Variants in CSMD1 observed in about 807,000 individuals in gnomAD.
The protein encoded by CSMD1 is CUB and sushi domain-containing protein 1.
In CSMD1, 213 loss-of-function variants were observed where a neutral mutation model predicts 417.5. That is an observed-to-expected ratio of 0.51 (90% CI 0.46 to 0.57). The LOEUF (loss-of-function observed/expected upper bound fraction) is 0.57, where lower values mean the gene tolerates loss of function less well. CSMD1 is among the 20% of genes least tolerant of loss of function. The probability of loss-of-function intolerance (pLI) is 0.00; values close to 1 mark genes in which losing one functional copy is unlikely to be tolerated. For missense variants in CSMD1, 6,923 were observed against 4,529.7 expected, an observed-to-expected ratio of 1.53 and a Z score of -15.17; for synonymous variants, 2,862 against 1,736.8, an observed-to-expected ratio of 1.65 and a Z score of -16.11.
rs370240143 is a variant in CSMD1 at position 3,214,556 on chromosome 8, G to C, written c.4808C>G (p.Thr1603Ser). 8.1e-6 allele frequency: 13 copies of C among 1,595,378 alleles called. No homozygotes were observed. Among genetic ancestry groups the C allele is most frequent in the African/African-American group, 1.3e-5 (1 of 74,680 alleles). Residue 1603 changes from threonine (T) to serine (S), a missense_variant, in exon 30 of 70, where the codon ACC (threonine) becomes AGC (serine). Physicochemically the swap from Thr to Ser is moderately conservative, Grantham distance 58. Transcript: ENST00000635120. ...GYKILDPSSI[T>S]CVIGADGKPS... Reference sequence around the variant, plus strand: ...TTTCCCATCAGCCCCAATCACACAGGTGATGGATGAGGGGTCAAGAATCTT... The same window carrying C: ...TTTCCCATCAGCCCCAATCACACAGCTGATGGATGAGGGGTCAAGAATCTT...
chr8:3,498,574 T>C (rs1796462880), intron 10 of CSMD1, among the ~76,000 whole-genome samples: 2 of 152,208 alleles, frequency 1.3e-5, no homozygotes, highest in Admixed American at 6.5e-5. Flanking sequence ...TCAGCTGTTA[T>C]TTTATTATAT....
chr8:4,729,528 C>T (rs1216693377), intron 1 of CSMD1, among the ~76,000 whole-genome samples: 2 of 152,148 alleles, frequency 1.3e-5, no homozygotes, highest in Non-Finnish European at 1.5e-5. Context: ...ACACATAATG[C>T]ATTTTTATGC....
At chr8:4,894,109 G>C (rs1041972917) in intron 1 of CSMD1, among the ~76,000 whole-genome samples, 1 of 151,974 alleles carries the variant, frequency 6.6e-6, no homozygotes, top group African/African-American at 2.4e-5. Flanking sequence ...ATATAGGCCT[G>C]CGCACTGTAT....
At chr8:3,684,474 G>A (rs941657339) in intron 7 of CSMD1, among the ~76,000 whole-genome samples, 3 of 150,382 alleles carry the variant, frequency 2.0e-5, no homozygotes, top group African/African-American at 4.9e-5. Context: ...TAGGTTTTGG[G>A]ATTTTTCTTT....
intron 5 of CSMD1, among the ~76,000 whole-genome samples, chr8:3,881,504 G>A (rs1310658950): frequency 6.6e-6 from 1 of 150,708 alleles, no homozygotes; most frequent in Non-Finnish European, 1.5e-5. Context: ...GGGCGTAGTG[G>A]TGGGTGCCTG....
intron 5 of CSMD1, among the ~76,000 whole-genome samples, chr8:3,797,397 A>G (rs976142170): frequency 5.3e-5 from 8 of 151,974 alleles, no homozygotes; most frequent in East Asian, 1.9e-4. Context: ...ATTTTCATCA[A>G]TATGGAAATT....
intron 12 of CSMD1, among the ~76,000 whole-genome samples, chr8:3,417,139 T>C (rs1352690807): frequency 3.3e-5 from 5 of 152,230 alleles, no homozygotes; most frequent in Admixed American, 6.5e-5. Flanking sequence ...ATATGAAATA[T>C]AGCAGGTTGC....
chr8:4,191,115 G>C (rs1799000373), intron 3 of CSMD1, among the ~76,000 whole-genome samples: 1 of 151,472 alleles, frequency 6.6e-6, no homozygotes, highest in Non-Finnish European at 1.5e-5. Context: ...AATTCAACAA[G>C]GCCAGGCGAG....
intron 1 of CSMD1, among the ~76,000 whole-genome samples, chr8:4,889,542 C>A (rs796356692): frequency 3.3e-5 from 5 of 151,948 alleles, no homozygotes; most frequent in African/African-American, 1.2e-4. Flanking sequence ...GAAAGGTAGA[C>A]AACAATTCTT....
intron 2 of CSMD1, among the ~76,000 whole-genome samples, chr8:4,481,500 A>G (rs1801099867): frequency 6.6e-6 from 1 of 152,050 alleles, no homozygotes; most frequent in Admixed American, 6.5e-5. Flanking sequence ...ATTTGATCAA[A>G]TATCTTCTCA....
At chr8:4,055,095 A>G (rs1198709762) in intron 3 of CSMD1, among the ~76,000 whole-genome samples, 1 of 152,176 alleles carries the variant, frequency 6.6e-6, no homozygotes, top group East Asian at 1.9e-4. Flanking sequence ...TATTAGTAAC[A>G]CATTTTCTTT....
intron 6 of CSMD1, among the ~76,000 whole-genome samples, chr8:3,739,002 A>G (rs748294657): frequency 3.3e-5 from 5 of 152,194 alleles, no homozygotes; most frequent in Non-Finnish European, 5.9e-5. Context: ...AGAGATATAT[A>G]TTGTTATATT....
At chr8:3,146,139 A>G (rs933382757) in intron 40 of CSMD1, among the ~76,000 whole-genome samples, 1 of 152,180 alleles carries the variant, frequency 6.6e-6, no homozygotes, top group African/African-American at 2.4e-5. Flanking sequence ...TGGCATGGTA[A>G]TTTTGGAGAG....
chr8:4,798,859 G>A (rs1052063840), intron 1 of CSMD1, among the ~76,000 whole-genome samples: 16 of 152,156 alleles, frequency 1.1e-4, no homozygotes, highest in African/African-American at 3.6e-4. Flanking sequence ...GTATATCACA[G>A]ATGCCATAAA....
Position 4,607,950 on chromosome 8 carries a change from A to AC in CSMD1, c.302+29391dup, listed in dbSNP as rs1343748847. On this transcript the variant is annotated intron_variant, in intron 2 of 69. Coordinates refer to ENST00000635120, the MANE Select transcript of CSMD1 (RefSeq NM_033225.6). ...GTTGAGGTCTCACTGACATCTGGCGACTTTCCCCAGCCCACCTGTATCAAT... is the reference window on the plus strand; with the variant it reads ...GTTGAGGTCTCACTGACATCTGGCGACCTTTCCCCAGCCCACCTGTATCAAT... Among the ~76,000 whole-genome samples, 3 of 152,186 alleles carry AC rather than the reference A, an allele frequency of 2.0e-5. No individual in the cohort carries two copies. In the East Asian group the frequency reaches 5.8e-4, roughly 30 times the overall value.
chr8:4,403,517 C>A (rs767547114), intron 3 of CSMD1, among the ~76,000 whole-genome samples: 1 of 152,144 alleles, frequency 6.6e-6, no homozygotes, highest in African/African-American at 2.4e-5. Flanking sequence ...CCTCATCAGT[C>A]ATGACTTAGT....
At chr8:4,488,823 G>C (rs995237185) in intron 2 of CSMD1, among the ~76,000 whole-genome samples, 1 of 152,210 alleles carries the variant, frequency 6.6e-6, no homozygotes, top group Non-Finnish European at 1.5e-5. Flanking sequence ...TCTGCAAAGA[G>C]ATCGCCAGTT....
In CSMD1 at chr8:2,972,576, T is replaced by C. The variant is rs142919605; in HGVS notation, c.8923+541A>G. 3.9e-5 allele frequency among the ~76,000 whole-genome samples: 6 copies of C among 152,320 alleles called. No individual in the cohort carries two copies. The East Asian group carries it at 1.2e-3, about 29-fold the overall frequency. ...TGTCCGTGGCTATTCTTACTGTCAT[T>C]ACTGGAGCATACCACCACTTCCTAC... On this transcript the variant is annotated intron_variant, in intron 57 of 69. Transcript: ENST00000635120.
chr8:3,755,891 C>A (rs967089557), intron 5 of CSMD1, among the ~76,000 whole-genome samples: 1 of 152,112 alleles, frequency 6.6e-6, no homozygotes, highest in Non-Finnish European at 1.5e-5. Context: ...CTGGACACAG[C>A]TGACTCCAAG....
Sources: gnomAD v4.1 joint callset for allele counts (sites outside exome capture counted in the v4.1 genomes callset) on GRCh38, gnomAD v4.1.1 for gene constraint, MANE v1.5 for transcripts, NCBI Gene and HGNC (gene_info 2026-07-23, HGNC 2026-07-21) for gene names.